TMC1: variants seen among roughly 807,000 people sequenced by gnomAD.
TMC1 encodes the protein transmembrane channel like 1, also known as transmembrane channel-like protein 1.
In TMC1, 84 loss-of-function variants were observed where a neutral mutation model predicts 105.8. That is an observed-to-expected ratio of 0.79 (90% CI 0.67 to 0.95). The LOEUF (loss-of-function observed/expected upper bound fraction) is 0.95, where lower values mean the gene tolerates loss of function less well. TMC1 is among the 40% of genes least tolerant of loss of function. The pLI is 0.00. For synonymous variants in TMC1, 315 were observed against 311.5 expected, an observed-to-expected ratio of 1.01 and a Z score of -0.12; for missense variants, 817 against 914.1, an observed-to-expected ratio of 0.89 and a Z score of 1.37.
chr9:72,755,362 T>G (rs1290359049), intron 12 of TMC1, among the ~76,000 whole-genome samples: 1 of 152,304 alleles, frequency 6.6e-6, no homozygotes, highest in South Asian at 2.1e-4. Context: ...TATTAACCTC[T>G]TTACTTCCTA....
At chr9:72,667,725 C>A (rs1442903937) in intron 5 of TMC1, among the ~76,000 whole-genome samples, 1 of 152,150 alleles carries the variant, frequency 6.6e-6, no homozygotes, top group Non-Finnish European at 1.5e-5. Flanking sequence ...GACAACAGCA[C>A]CTATTGTTAT....
At chr9:72,534,707 T>C (rs944421373) in intron 1 of TMC1, among the ~76,000 whole-genome samples, 1 of 152,230 alleles carries the variant, frequency 6.6e-6, no homozygotes, top group Non-Finnish European at 1.5e-5. Context: ...TTTAACTTTC[T>C]TAATCAACTG....
chr9:72,725,325 G>GTGTATATATA (rs1346287163), intron 8 of TMC1, among the ~76,000 whole-genome samples: 106 of 77,638 alleles, frequency 1.4e-3, no homozygotes, highest in Non-Finnish European at 2.2e-3. Context: ...ATGTGTGTAT[G>GTGTATATATA]TATATATATA....
chr9:72,600,999 G>A (rs1027736974), intron 2 of TMC1, among the ~76,000 whole-genome samples: 13 of 152,192 alleles, frequency 8.5e-5, no homozygotes, highest in African/African-American at 3.1e-4. Context: ...TTGTTAGGCA[G>A]TTTCTGTGTT....
chr9:72,785,657 A>G (rs935592491), intron 13 of TMC1, among the ~76,000 whole-genome samples: 1 of 152,222 alleles, frequency 6.6e-6, no homozygotes, highest in African/African-American at 2.4e-5. Flanking sequence ...ACATGGGTAT[A>G]CTATTGTATC....
chr9:72,804,853 TG>T (rs2118236887), intron 17 of TMC1, among the ~76,000 whole-genome samples: 1 of 152,338 alleles, frequency 6.6e-6, no homozygotes, highest in South Asian at 2.1e-4. Flanking sequence ...TTTTATTATG[TG>T]GGGTTTCGGT....
In TMC1 at chr9:72,763,597, G is replaced by A. The variant is rs115153282; in HGVS notation, c.741+8713G>A. 3.8e-3 allele frequency among the ~76,000 whole-genome samples: 574 copies of A among 152,294 alleles called. 4 individuals are homozygous for A. Among genetic ancestry groups the A allele is most frequent in the African/African-American group, 0.012 (497 of 41,564 alleles). On this transcript the variant is annotated intron_variant, in intron 12 of 23. Coordinates refer to ENST00000297784, the MANE Select transcript of TMC1 (RefSeq NM_138691.3). ...GACAACCTCTGAATTTGAAAGAAGG[G>A]AGAGATATTCTCAGCAGTAAGAACA...
At chr9:72,558,234 TA>T (rs1823978501) in intron 1 of TMC1, among the ~76,000 whole-genome samples, 1 of 152,072 alleles carries the variant, frequency 6.6e-6, no homozygotes, top group Admixed American at 6.6e-5. Flanking sequence ...AAAATTAAAT[TA>T]AAATGCAACA....
intron 2 of TMC1, among the ~76,000 whole-genome samples, chr9:72,609,556 A>G (rs1824988530): frequency 6.6e-6 from 1 of 151,956 alleles, no homozygotes; most frequent in African/African-American, 2.4e-5. Context: ...TAACAACAAC[A>G]ACAAAAACAA....
intron 3 of TMC1, among the ~76,000 whole-genome samples, chr9:72,622,963 A>G (rs1825279907): frequency 6.6e-6 from 1 of 151,610 alleles, no homozygotes; most frequent in South Asian, 2.1e-4. Flanking sequence ...GAGGCAGGAG[A>G]ATCACTTGAA....
chr9:72,737,851 GA>G (rs1365395472), intron 8 of TMC1, among the ~76,000 whole-genome samples: 11 of 152,180 alleles, frequency 7.2e-5, no homozygotes, highest in African/African-American at 2.7e-4. Flanking sequence ...AAAGGTTTTA[GA>G]AATTGTTTTT....
At chr9:72,691,295 A>G (rs191638781) in intron 6 of TMC1, among the ~76,000 whole-genome samples, 11 of 152,276 alleles carry the variant, frequency 7.2e-5, no homozygotes, top group Admixed American at 2.6e-4. Flanking sequence ...TAAGTAATTC[A>G]TATATCTCCA....
chr9:72,614,535 A>G (rs538754303), intron 2 of TMC1, among the ~76,000 whole-genome samples: 1 of 152,342 alleles, frequency 6.6e-6, no homozygotes, highest in East Asian at 1.9e-4. Context: ...TGCTGCTTAT[A>G]TGTAATTTGT....
At chr9:72,526,476 C>T (rs1409975744) in intron 1 of TMC1, among the ~76,000 whole-genome samples, 4 of 152,076 alleles carry the variant, frequency 2.6e-5, no homozygotes, top group Non-Finnish European at 5.9e-5. Context: ...ACTTCATCTG[C>T]CATGGGAAAA....
intron 13 of TMC1, among the ~76,000 whole-genome samples, chr9:72,786,436 C>T (rs543294027): frequency 2.0e-5 from 3 of 152,204 alleles, no homozygotes; most frequent in Non-Finnish European, 2.9e-5. Context: ...AGAGAAGACT[C>T]CTCCTCAAAC....
chr9:72,618,121 G>C (rs193208625), intron 3 of TMC1, among the ~76,000 whole-genome samples: 5 of 142,848 alleles, frequency 3.5e-5, no homozygotes, highest in Non-Finnish European at 7.5e-5. Flanking sequence ...CTCTGCCTCC[G>C]GGGTTCAAGT....
chr9:72,718,371 C>G lies in TMC1; in HGVS notation c.362+17728C>G, dbSNP rs76001306. Among the ~76,000 whole-genome samples the G allele has an allele frequency of 3.8e-3, 575 of 152,306 alleles. 2 individuals are homozygous for G. The highest frequency in any genetic ancestry group is 0.013 in the African/African-American group (548 of 41,558). On this transcript the variant is annotated intron_variant, in intron 8 of 23. Coordinates refer to ENST00000297784, the MANE Select transcript of TMC1 (RefSeq NM_138691.3). ...AGATCTGAAGCTCAAGGCTGCTGTTCAGATTCTTTTGTCCCATGGGGTGTT... is the reference window on the plus strand; with the variant it reads ...AGATCTGAAGCTCAAGGCTGCTGTTGAGATTCTTTTGTCCCATGGGGTGTT...
chr9:72,739,645 C>CT lies in TMC1; in HGVS notation c.363-465dup, dbSNP rs368869415. On this transcript the variant is annotated intron_variant, in intron 8 of 23. Coordinates refer to ENST00000297784, the MANE Select transcript of TMC1 (RefSeq NM_138691.3). ...ATTTTTCTGTTTTAAGTCATAATTG[C>CT]TTTTTTTTTACAGGATTAAGTACCA... Among the ~76,000 whole-genome samples the CT allele has an allele frequency of 1.1e-3, 162 of 150,878 alleles. 2 individuals carry two copies. The highest frequency in any genetic ancestry group is 1.6e-3 in the African/African-American group (65 of 41,136).
intron 5 of TMC1, among the ~76,000 whole-genome samples, chr9:72,656,784 T>G (rs975763706): frequency 6.6e-6 from 1 of 152,236 alleles, no homozygotes; most frequent in African/African-American, 2.4e-5. Flanking sequence ...GATTTCTTTT[T>G]TTTCCCCCCT....
Sources: gnomAD v4.1 joint callset for allele counts (sites outside exome capture counted in the v4.1 genomes callset) on GRCh38, gnomAD v4.1.1 for gene constraint, MANE v1.5 for transcripts, NCBI Gene and HGNC (gene_info 2026-07-23, HGNC 2026-07-21) for gene names.